RNF150: variants seen among roughly 807,000 people sequenced by gnomAD.
The protein encoded by RNF150 is ring finger protein 150.
A neutral mutation model predicts 39.3 loss-of-function variants in RNF150; 24 were observed. The ratio of observed to expected loss-of-function variants is 0.61; its 90% CI spans 0.44 to 0.86. The LOEUF (loss-of-function observed/expected upper bound fraction) is 0.86, where lower values mean the gene tolerates loss of function less well. Among genes scored for constraint, RNF150 ranks in the 40% least tolerant of loss-of-function variants. The pLI is 0.00. For synonymous variants in RNF150, 255 were observed against 227.3 expected (o/e 1.12, Z -1.10); for missense variants, 502 against 587.8 (o/e 0.85, Z 1.51).
intron 1 of RNF150, among the ~76,000 whole-genome samples, chr4:141,019,538 A>T (rs926003383): frequency 6.6e-6 from 1 of 152,158 alleles, no homozygotes; most frequent in Non-Finnish European, 1.5e-5. Context: ...TTTCAGGATT[A>T]GAAGTATGTG....
At chr4:141,160,602 G>A (rs1460160131) in intron 1 of RNF150, among the ~76,000 whole-genome samples, 8 of 152,078 alleles carry the variant, frequency 5.3e-5, no homozygotes, top group Non-Finnish European at 1.0e-4. Context: ...TGTTGGAGGT[G>A]GGGCCTGGTG....
rs751906332 is a variant in RNF150 at position 140,868,393 on chromosome 4, G to A, written c.1199-14C>T. 8 of 1,462,418 alleles carry A rather than the reference G, an allele frequency of 5.5e-6. No homozygotes were observed. The highest frequency in any genetic ancestry group is 1.7e-5 in the Admixed American group (1 of 59,812). 90.6% of individuals were successfully genotyped at this position (1,462,418 alleles called of 1,614,324 possible). On this transcript the variant is annotated splice_polypyrimidine_tract_variant and intron_variant, in intron 6 of 6. Transcript: ENST00000515673. ...GCTCCTGCTCACCTGGGAGGAGAAA[G>A]CAAAGTTCACAGTGAACACCGAGCT...
intron 4 of RNF150, among the ~76,000 whole-genome samples, chr4:140,941,032 G>T (rs1732062765): frequency 6.6e-6 from 1 of 151,942 alleles, no homozygotes; most frequent in South Asian, 2.1e-4. Flanking sequence ...GTGACTGGAA[G>T]ATTCAAGTAT....
At chr4:140,887,639 A>G (rs1407509988) in intron 6 of RNF150, among the ~76,000 whole-genome samples, 1 of 152,060 alleles carries the variant, frequency 6.6e-6, no homozygotes, top group African/African-American at 2.4e-5. Context: ...TACAAGTGTC[A>G]CCCTGTTACA....
chr4:140,878,667 A>AT, intron 6 of RNF150, among the ~76,000 whole-genome samples: 1 of 152,242 alleles, frequency 6.6e-6, no homozygotes, highest in Non-Finnish European at 1.5e-5. Context: ...CACCTTATCA[A>AT]ATATATGGTT....
intron 1 of RNF150, among the ~76,000 whole-genome samples, chr4:141,194,816 T>C (rs1728170822): frequency 6.6e-6 from 1 of 152,196 alleles, no homozygotes; most frequent in Non-Finnish European, 1.5e-5. Flanking sequence ...GGAGCCAGAC[T>C]GCCCGAGTTC....
intron 5 of RNF150, among the ~76,000 whole-genome samples, chr4:140,923,589 A>G (rs1731252955): frequency 6.6e-6 from 1 of 152,186 alleles, no homozygotes; most frequent in African/African-American, 2.4e-5. Context: ...TAGAACTAGA[A>G]ATACCATTTG....
intron 1 of RNF150, among the ~76,000 whole-genome samples, chr4:141,096,167 T>C (rs1055184599): frequency 6.7e-6 from 1 of 148,594 alleles, no homozygotes; most frequent in Non-Finnish European, 1.5e-5. Context: ...TCTTTTTTAA[T>C]ACCAAGGAGA....
At chr4:140,925,350 G>C (rs1374736996) in intron 5 of RNF150, among the ~76,000 whole-genome samples, 2 of 152,202 alleles carry the variant, frequency 1.3e-5, no homozygotes, top group Non-Finnish European at 2.9e-5. Context: ...CTTTGTACAG[G>C]GGAGAGACTA....
chr4:140,886,121 G>A (rs556709303), intron 6 of RNF150, among the ~76,000 whole-genome samples: 1 of 150,932 alleles, frequency 6.6e-6, no homozygotes, highest in South Asian at 2.1e-4. Context: ...AACCCAGGAG[G>A]TGGAGCTTGC....
At chr4:140,958,427 T>C (rs996790829) in intron 2 of RNF150, among the ~76,000 whole-genome samples, 1 of 152,134 alleles carries the variant, frequency 6.6e-6, no homozygotes, top group Non-Finnish European at 1.5e-5. Context: ...GTTAGGTCTC[T>C]GCACCTCAAT....
intron 2 of RNF150, among the ~76,000 whole-genome samples, chr4:140,953,623 A>G (rs1732625579): frequency 6.6e-6 from 1 of 152,172 alleles, no homozygotes; most frequent in Non-Finnish European, 1.5e-5. Context: ...GTAAACAAGT[A>G]TCAGTATATG....
chr4:141,067,540 G>A (rs961347580), intron 1 of RNF150, among the ~76,000 whole-genome samples: 5 of 152,176 alleles, frequency 3.3e-5, no homozygotes, highest in African/African-American at 9.7e-5. Flanking sequence ...AGCATTTAGT[G>A]TCTGTCTTAT....
chr4:140,947,060 G>C (rs1170933350), intron 4 of RNF150, among the ~76,000 whole-genome samples: 2 of 151,744 alleles, frequency 1.3e-5, no homozygotes, highest in Non-Finnish European at 2.9e-5. Context: ...GAGGGAATAG[G>C]GTTATATAAG....
Position 140,926,000 on chromosome 4 carries a change from T to C in RNF150, c.964A>G (p.Ile322Val). The change falls in exon 5 of 7, where the codon ATT (isoleucine) becomes GTT (valine). Residue 322 changes from isoleucine to valine, a missense_variant. Physicochemically the swap from Ile to Val is conservative, Grantham distance 29. Coordinates refer to ENST00000515673, the MANE Select transcript of RNF150 (RefSeq NM_020724.2). Reference protein sequence around the residue: ...HRTCPMCKMNILKALGIPPNA... With the variant: ...HRTCPMCKMNVLKALGIPPNA... ...ACCGGGATCCCTAGGGCTTTAAGAA[T>C]GTTCATCTTGCACATGGGACAGGTA... is the stretch of plus-strand genomic sequence containing the variant. 1.9e-6 allele frequency: 3 copies of C among 1,613,560 alleles called. No individual in the cohort carries two copies. The highest frequency in any genetic ancestry group is 2.5e-6 in the Non-Finnish European group (3 of 1,179,448).
At chr4:140,962,379 C>G (rs116105605) in intron 2 of RNF150, among the ~76,000 whole-genome samples, 7,291 of 151,228 alleles carry the variant, frequency 0.048, 255 homozygotes, top group African/African-American at 0.094. Context: ...ATATATAAGA[C>G]ATATATATAT....
chr4:140,904,426 G>T (rs1730303053), intron 6 of RNF150, among the ~76,000 whole-genome samples: 1 of 152,158 alleles, frequency 6.6e-6, no homozygotes, highest in African/African-American at 2.4e-5. Context: ...AATCTTATAG[G>T]CACCAAGGGA....
intron 1 of RNF150, among the ~76,000 whole-genome samples, chr4:141,195,444 T>C (rs543099402): frequency 1.4e-4 from 21 of 152,322 alleles, no homozygotes; most frequent in Admixed American, 3.3e-4. Context: ...TCAATGCCCC[T>C]GACTACCTTC....
intron 1 of RNF150, among the ~76,000 whole-genome samples, chr4:141,154,343 C>T (rs918897485): frequency 6.6e-6 from 1 of 152,200 alleles, no homozygotes; most frequent in African/African-American, 2.4e-5. Context: ...TAATGAGGAA[C>T]ATCACAGGCC....
Sources: gnomAD v4.1 joint callset for allele counts (sites outside exome capture counted in the v4.1 genomes callset) on GRCh38, gnomAD v4.1.1 for gene constraint, MANE v1.5 for transcripts, NCBI Gene and HGNC (gene_info 2026-07-23, HGNC 2026-07-21) for gene names.